The following COLEC10 variants were observed in gnomAD, a reference collection of about 807,000 sequenced individuals.
The protein encoded by COLEC10 is collectin-10.
Under a neutral mutation model 28.4 loss-of-function variants are expected in COLEC10, and 22 were observed. That is an observed-to-expected ratio of 0.78 (90% CI 0.55 to 1.11). The LOEUF (loss-of-function observed/expected upper bound fraction) is 1.11, where lower values mean the gene tolerates loss of function less well. Among genes scored for constraint, COLEC10 ranks in the 50% least tolerant of loss-of-function variants. The probability of loss-of-function intolerance (pLI) is 0.00; values close to 1 mark genes in which losing one functional copy is unlikely to be tolerated. For missense variants in COLEC10, 361 were observed against 344.1 expected (o/e 1.05, Z -0.39); for synonymous variants, 125 against 116.1 (o/e 1.08, Z -0.49).
chr8:119,020,947 A>G (rs1300753124), intron 2 of COLEC10, among the ~76,000 whole-genome samples: 1 of 152,170 alleles, frequency 6.6e-6, no homozygotes, highest in Non-Finnish European at 1.5e-5. Context: ...ATGTTACTTT[A>G]GTTGAAGAGT....
chr8:118,988,998 C>G, the COLEC10 span, among the ~76,000 whole-genome samples: 9 of 152,146 alleles, frequency 5.9e-5, no homozygotes, highest in African/African-American at 2.2e-4. Context: ...CAAAAACATT[C>G]TGAAGGGACA....
At chr8:118,985,929 C>A in the COLEC10 span, among the ~76,000 whole-genome samples, 1 of 151,976 alleles carries the variant, frequency 6.6e-6, no homozygotes, top group African/African-American at 2.4e-5. Flanking sequence ...CACCGTCTTT[C>A]AACAATCAGT....
At chr8:119,065,577 C>A (rs1199276619), upstream of COLEC10, among the ~76,000 whole-genome samples, 1 of 151,938 alleles carries the variant, frequency 6.6e-6, no homozygotes, top group African/African-American at 2.4e-5. Context: ...GTGCTTGAGG[C>A]CAGGCATGGT....
At chr8:119,021,705 A>G (rs1445493007) in intron 2 of COLEC10, among the ~76,000 whole-genome samples, 1 of 152,142 alleles carries the variant, frequency 6.6e-6, no homozygotes, top group Admixed American at 6.6e-5. Context: ...CTTTTTCTAG[A>G]TCCATCAACT....
chr8:118,975,199 A>G, the COLEC10 span, among the ~76,000 whole-genome samples: 1 of 152,066 alleles, frequency 6.6e-6, no homozygotes, highest in African/African-American at 2.4e-5. Context: ...ACATCCTAAC[A>G]CTACATCAGA....
At chr8:119,076,262 CTTT>C (rs71296909) in intron 1 of COLEC10, among the ~76,000 whole-genome samples, 67,434 of 138,400 alleles carry the variant, frequency 0.49, 16,226 homozygotes, top group East Asian at 0.68. Flanking sequence ...ACACAAAATT[CTTT>C]TTTTTTTTTT....
At chr8:118,983,159 C>A in the COLEC10 span, among the ~76,000 whole-genome samples, 1 of 152,118 alleles carries the variant, frequency 6.6e-6, no homozygotes, top group African/African-American at 2.4e-5. Flanking sequence ...GAGTGAGATC[C>A]TTTTGATTTT....
chr8:119,089,691 G>GA lies in COLEC10; in HGVS notation c.165dup (p.Gly56ArgfsTer21). 1 of 1,613,258 alleles carries GA rather than the reference G, an allele frequency of 6.2e-7. No individual in the cohort carries two copies. The highest frequency in any genetic ancestry group is 8.5e-7 in the Non-Finnish European group (1 of 1,179,412). On this transcript the variant is annotated frameshift_variant, in exon 2 of 6. Transcript: ENST00000332843. LOFTEE classifies it high-confidence loss of function. ...TTCTGTTTCAAAAGGAGATGATGGT[G>GA]AAAAAGGAGATCCAGGAGAAGAGGG... is the stretch of plus-strand genomic sequence containing the variant.
chr8:119,052,448 A>G (rs1432881474), intron 2 of COLEC10, among the ~76,000 whole-genome samples: 1 of 152,122 alleles, frequency 6.6e-6, no homozygotes, highest in Non-Finnish European at 1.5e-5. Flanking sequence ...CCATTACCCA[A>G]GGCATTATCT....
chr8:119,003,669 CA>C (rs1813739236), intron 1 of COLEC10, among the ~76,000 whole-genome samples: 1 of 152,030 alleles, frequency 6.6e-6, no homozygotes, highest in Non-Finnish European at 1.5e-5. Context: ...GAAAGGATTA[CA>C]AGCTTCATAG....
intron 2 of COLEC10, among the ~76,000 whole-genome samples, chr8:119,030,586 G>T (rs1814270403): frequency 6.6e-6 from 1 of 152,160 alleles, no homozygotes; most frequent in African/African-American, 2.4e-5. Flanking sequence ...ATATAAACAG[G>T]TTGCCTATCC....
At chr8:119,070,480 TC>T (rs1815089780) in intron 1 of COLEC10, among the ~76,000 whole-genome samples, 2 of 50,732 alleles carry the variant, frequency 3.9e-5, no homozygotes, top group Non-Finnish European at 8.2e-5. Context: ...TCTCTCTCCT[TC>T]CCCCTCCTTC....
intron 2 of COLEC10, among the ~76,000 whole-genome samples, chr8:119,041,301 T>A (rs1168859653): frequency 1.3e-5 from 2 of 152,064 alleles, no homozygotes; most frequent in Non-Finnish European, 2.9e-5. Flanking sequence ...AATGGTACCA[T>A]TTGATTCTGG....
chr8:118,976,105 C>T, the COLEC10 span, among the ~76,000 whole-genome samples: 1 of 151,992 alleles, frequency 6.6e-6, no homozygotes, highest in African/African-American at 2.4e-5. Context: ...CCTTTCACTC[C>T]TTTAAAAATG....
At chr8:118,963,480 A>C in the COLEC10 span, among the ~76,000 whole-genome samples, 1 of 152,164 alleles carries the variant, frequency 6.6e-6, no homozygotes, top group Non-Finnish European at 1.5e-5. Flanking sequence ...CTCTCGACAC[A>C]ACCTGTCTAC....
Position 119,106,301 on chromosome 8 carries a change from GA to G in COLEC10, c.*114del. ...CATTTGATCTGAGTCAACATAGCTA[GA>G]AAATGCTAAACTGAGGTATGGAGCC... On this transcript the variant is annotated 3_prime_UTR_variant, in exon 6 of 6. Coordinates refer to ENST00000332843, the MANE Select transcript of COLEC10 (RefSeq NM_006438.5). The G allele has an allele frequency of 8.5e-7, 1 of 1,182,698 alleles. No individual in the cohort carries two copies. The highest frequency in any genetic ancestry group is 1.2e-6 in the Non-Finnish European group (1 of 843,256). The allele number at this position is 1,182,698 out of a possible 1,614,324, so 73.3% of individuals were successfully genotyped here. A position where few individuals can be genotyped will look rare whatever the true frequency, so the allele number is the denominator to read the frequency against.
At chr8:119,027,071 G>C (rs1397491876) in intron 2 of COLEC10, among the ~76,000 whole-genome samples, 1 of 152,108 alleles carries the variant, frequency 6.6e-6, no homozygotes, top group East Asian at 1.9e-4. Context: ...TAATCTTCCT[G>C]TGCTTCACTT....
chr8:119,091,010 A>T, intron 2 of COLEC10, 139 bp from the exon 3 acceptor site: 1 of 697,064 alleles, frequency 1.4e-6, no homozygotes. Flanking sequence ...AAACTAGACA[A>T]TATAGCATGG....
At chr8:119,057,316 C>T (rs1381047106) in intron 2 of COLEC10, among the ~76,000 whole-genome samples, 1 of 152,046 alleles carries the variant, frequency 6.6e-6, no homozygotes, top group East Asian at 1.9e-4. Flanking sequence ...TGAGGTCTCC[C>T]AAGCCATGTG....
Sources: gnomAD v4.1 joint callset for allele counts (sites outside exome capture counted in the v4.1 genomes callset) on GRCh38, gnomAD v4.1.1 for gene constraint, MANE v1.5 for transcripts, NCBI Gene and HGNC (gene_info 2026-07-23, HGNC 2026-07-21) for gene names.